GRID1: variants seen among roughly 807,000 people sequenced by gnomAD.
GRID1 encodes glutamate ionotropic receptor delta type subunit 1, also known as glutamate receptor ionotropic, delta-1.
In GRID1, 28 loss-of-function variants were observed where a neutral mutation model predicts 98.0. That is an observed-to-expected ratio of 0.29 (90% confidence interval 0.21 to 0.39). GRID1 has a LOEUF of 0.39. Among genes scored for constraint, GRID1 ranks in the 10% least tolerant of loss-of-function variants. GRID1 has a pLI of 1.00. For synonymous variants in GRID1, 553 were observed against 538.5 expected, an observed-to-expected ratio of 1.03 and a Z score of -0.37; for missense variants, 1,111 against 1,340.5, an observed-to-expected ratio of 0.83 and a Z score of 2.67.
chr10:85,887,035 T>A (rs1426128030), intron 5 of GRID1, among the ~76,000 whole-genome samples: 4 of 152,218 alleles, frequency 2.6e-5, no homozygotes, highest in Non-Finnish European at 4.4e-5. Context: ...AACCATGGTG[T>A]CAGTAATCTA....
At chr10:85,871,067 A>C (rs1292663957) in intron 5 of GRID1, among the ~76,000 whole-genome samples, 1 of 152,154 alleles carries the variant, frequency 6.6e-6, no homozygotes, top group Non-Finnish European at 1.5e-5. Flanking sequence ...GGAAACTAAC[A>C]CATACAGACG....
chr10:86,055,497 C>T (rs955634292), intron 4 of GRID1, among the ~76,000 whole-genome samples: 2 of 152,106 alleles, frequency 1.3e-5, no homozygotes, highest in African/African-American at 2.4e-5. Flanking sequence ...AATCCTAGCA[C>T]TTTGGGAGGC....
In GRID1 at chr10:86,195,618, G is replaced by A. The variant is rs564073861; in HGVS notation, c.520+10746C>T. ...TCATGTGCAGCCTCCTACCCTGGCT[G>A]GGGGTTGGCAGCAAACAAGCCCCCG... On this transcript the variant is annotated intron_variant, in intron 3 of 15. Coordinates refer to ENST00000327946, the MANE Select transcript of GRID1 (RefSeq NM_017551.3). The surrounding 1 kb of genome is among the most constrained non-coding windows in gnomAD (Gnocchi z 4.4). Among the ~76,000 whole-genome samples, 218 of 152,258 alleles carry A rather than the reference G, an allele frequency of 1.4e-3. 3 individuals are homozygous for A. The highest frequency in any genetic ancestry group is 5.1e-3 in the African/African-American group (211 of 41,564).
At chr10:86,233,499 C>T (rs527582017) in intron 2 of GRID1, among the ~76,000 whole-genome samples, 33 of 152,244 alleles carry the variant, frequency 2.2e-4, no homozygotes, top group Admixed American at 2.0e-3. Flanking sequence ...CTCATAGGTG[C>T]CCCCTTCTCC....
At chr10:86,337,270 C>T (rs1464250394) in intron 2 of GRID1, among the ~76,000 whole-genome samples, 2 of 152,226 alleles carry the variant, frequency 1.3e-5, no homozygotes, top group East Asian at 3.9e-4. Context: ...GCCACTCCAA[C>T]CTGCATGTAG....
chr10:86,245,103 A>G (rs948157577), intron 2 of GRID1, among the ~76,000 whole-genome samples: 3 of 152,244 alleles, frequency 2.0e-5, no homozygotes, highest in Admixed American at 2.0e-4. Context: ...CTTAGGCACT[A>G]AGAACCTGGC....
chr10:86,248,965 AC>A (rs906474358), intron 2 of GRID1, among the ~76,000 whole-genome samples: 4 of 152,004 alleles, frequency 2.6e-5, no homozygotes, highest in Admixed American at 2.0e-4. Context: ...AAACAGGGCC[AC>A]CCCCACCCTC....
At chr10:86,309,659 G>A (rs2217224) in intron 2 of GRID1, among the ~76,000 whole-genome samples, 78,502 of 152,102 alleles carry the variant, frequency 0.52, 24,107 homozygotes, top group Non-Finnish European at 0.68. Context: ...TGATCTTTAT[G>A]GGGGACTTGA....
intron 5 of GRID1, among the ~76,000 whole-genome samples, chr10:85,891,903 C>T (rs7087922): frequency 0.012 from 1,891 of 152,050 alleles, 35 homozygotes; most frequent in Middle Eastern, 0.041. Flanking sequence ...AATCAATCCT[C>T]AATCAATCAA....
chr10:86,172,794 A>C (rs1050242403), intron 3 of GRID1, among the ~76,000 whole-genome samples: 7 of 152,202 alleles, frequency 4.6e-5, no homozygotes, highest in African/African-American at 1.7e-4. Context: ...AATAAAAAGC[A>C]CACAAGATTC....
chr10:85,732,004 T>C (rs1272561911), intron 8 of GRID1, among the ~76,000 whole-genome samples: 1 of 151,850 alleles, frequency 6.6e-6, no homozygotes, highest in African/African-American at 2.4e-5. Context: ...AGATACAGAA[T>C]TGGTTCCTAC....
intron 3 of GRID1, among the ~76,000 whole-genome samples, chr10:86,146,642 G>C (rs1281661629): frequency 6.6e-6 from 1 of 151,878 alleles, no homozygotes; most frequent in East Asian, 1.9e-4. Context: ...CTCCCTTCCC[G>C]CCCTCTTCCT....
intron 4 of GRID1, among the ~76,000 whole-genome samples, chr10:86,021,919 G>A (rs1843054651): frequency 1.3e-5 from 2 of 152,182 alleles, no homozygotes; most frequent in South Asian, 4.1e-4. Context: ...TGCAGCCTGG[G>A]TCCCGGGCTG....
At chr10:86,077,482 G>A (rs1843899196) in intron 4 of GRID1, among the ~76,000 whole-genome samples, 1 of 152,122 alleles carries the variant, frequency 6.6e-6, no homozygotes, top group African/African-American at 2.4e-5. Context: ...CCCACTTTGA[G>A]CTCGGTCCCA....
At chr10:86,271,044 G>A (rs1382322897) in intron 2 of GRID1, among the ~76,000 whole-genome samples, 1 of 152,162 alleles carries the variant, frequency 6.6e-6, no homozygotes, top group Non-Finnish European at 1.5e-5. Flanking sequence ...AGAGTGATGG[G>A]CACAGAGAAA....
intron 8 of GRID1, among the ~76,000 whole-genome samples, chr10:85,789,945 G>A (rs1207237650): frequency 1.3e-5 from 2 of 152,152 alleles, no homozygotes; most frequent in Non-Finnish European, 2.9e-5. Context: ...GGCAGCACCC[G>A]CCCTCATGGC....
chr10:85,895,685 A>T (rs1841283777), intron 5 of GRID1, among the ~76,000 whole-genome samples: 1 of 152,202 alleles, frequency 6.6e-6, no homozygotes, highest in Admixed American at 6.5e-5. Flanking sequence ...TGCAGCCAAT[A>T]TTTGGGTGGA....
chr10:85,635,789 C>T (rs866630676), intron 13 of GRID1, among the ~76,000 whole-genome samples: 58 of 152,198 alleles, frequency 3.8e-4, no homozygotes, highest in African/African-American at 1.3e-3. Flanking sequence ...GACGTTAATG[C>T]TTCTGTTATG....
intron 8 of GRID1, among the ~76,000 whole-genome samples, chr10:85,806,775 A>G (rs138266426): frequency 3.3e-5 from 5 of 152,182 alleles, no homozygotes; most frequent in Non-Finnish European, 7.4e-5. Context: ...CTTGCCTACA[A>G]TGAAGGGGGC....
Sources: gnomAD v4.1 joint callset for allele counts (sites outside exome capture counted in the v4.1 genomes callset) on GRCh38, gnomAD v4.1.1 for gene constraint, Gnocchi (gnomAD v3.1) non-coding constraint, MANE v1.5 for transcripts, NCBI Gene and HGNC (gene_info 2026-07-23, HGNC 2026-07-21) for gene names.